The following KCNN2 variants were observed in gnomAD, a reference collection of about 807,000 sequenced individuals.
The protein encoded by KCNN2 is potassium calcium-activated channel subfamily N member 2, also known as small conductance calcium-activated potassium channel protein 2.
KCNN2 carries 24 observed loss-of-function variants against 55.5 expected under a neutral mutation model. That is an observed-to-expected ratio of 0.43 (90% CI 0.31 to 0.61). The LOEUF (loss-of-function observed/expected upper bound fraction) is 0.61, where lower values mean the gene tolerates loss of function less well. KCNN2 is among the 20% of genes least tolerant of loss of function. KCNN2 has a pLI of 0.08. For synonymous variants in KCNN2, 431 were observed against 336.1 expected, an observed-to-expected ratio of 1.28 and a Z score of -3.09; for missense variants, 754 against 853.6, an observed-to-expected ratio of 0.88 and a Z score of 1.45.
chr5:114,179,967 T>C (rs1753207716), intron 1 of KCNN2, among the ~76,000 whole-genome samples: 1 of 152,210 alleles, frequency 6.6e-6, no homozygotes, highest in African/African-American at 2.4e-5. Flanking sequence ...CCTAGATTTT[T>C]CCCCCTTTGC....
chr5:114,171,412 G>A (rs6890587), intron 1 of KCNN2, among the ~76,000 whole-genome samples: 108,155 of 151,746 alleles, frequency 0.71, 38,720 homozygotes, highest in East Asian at 0.86. Context: ...TGTTCCTTTG[G>A]CTAAAACATT....
intron 2 of KCNN2, among the ~76,000 whole-genome samples, chr5:114,238,838 AT>A (rs924476599): frequency 6.6e-6 from 1 of 151,758 alleles, no homozygotes; most frequent in African/African-American, 2.4e-5. Context: ...GCATGGACCT[AT>A]TTTTTTTATG....
chr5:114,345,722 A>T (rs919007286), intron 2 of KCNN2, among the ~76,000 whole-genome samples: 3 of 152,184 alleles, frequency 2.0e-5, no homozygotes, highest in African/African-American at 7.2e-5. Context: ...ACAGTTCTGC[A>T]GGCTATACAA....
At chr5:114,456,668 C>T (rs1446226129) in intron 3 of KCNN2, among the ~76,000 whole-genome samples, 1 of 152,146 alleles carries the variant, frequency 6.6e-6, no homozygotes, top group Non-Finnish European at 1.5e-5. Flanking sequence ...CCATTAAGAA[C>T]ATCTGTGATT....
intron 2 of KCNN2, among the ~76,000 whole-genome samples, chr5:114,396,899 T>C (rs1484521798): frequency 6.6e-6 from 1 of 152,166 alleles, no homozygotes; most frequent in African/African-American, 2.4e-5. Context: ...AGGTAGGCCC[T>C]GGTGTCTATC....
At position 114,196,570 on chromosome 5, in the gene KCNN2, GTTAGA is replaced by G. The variant is rs574800444; in HGVS notation, c.-270-24907_-270-24903del. ...GTTGAGATTTTCTCTTTTTTCTTGA[GTTAGA>G]TTGGGTAATTTGTTTCTTTCTAGGA... On this transcript the variant is annotated intron_variant, in intron 1 of 10. Transcript: ENST00000512097. Among the ~76,000 whole-genome samples the G allele has an allele frequency of 3.3e-3, 506 of 151,930 alleles. 4 individuals are homozygous for G. Among genetic ancestry groups the G allele is most frequent in the African/African-American group, 0.012 (488 of 41,506 alleles).
At chr5:114,363,554 C>G (rs888117995) in intron 1 of KCNN2, among the ~76,000 whole-genome samples, 8 of 152,138 alleles carry the variant, frequency 5.3e-5, no homozygotes, top group African/African-American at 1.9e-4. Flanking sequence ...GTAATTCATC[C>G]CCTCGTGAAT....
intron 1 of KCNN2, among the ~76,000 whole-genome samples, chr5:114,168,479 G>A (rs1276580001): frequency 6.6e-6 from 1 of 152,000 alleles, no homozygotes; most frequent in Non-Finnish European, 1.5e-5. Context: ...TGTTTCTCAA[G>A]GCTAATATTC....
intron 1 of KCNN2, among the ~76,000 whole-genome samples, chr5:114,059,503 T>C (rs1750282282): frequency 6.6e-6 from 1 of 152,220 alleles, no homozygotes; most frequent in Non-Finnish European, 1.5e-5. Flanking sequence ...AGAGAAATTA[T>C]GTGTTTTTTC....
At chr5:114,243,996 C>G (rs1394912728) in intron 2 of KCNN2, among the ~76,000 whole-genome samples, 1 of 152,174 alleles carries the variant, frequency 6.6e-6, no homozygotes, top group Non-Finnish European at 1.5e-5. Flanking sequence ...TGTAAGACAA[C>G]TACAGTAAAT....
In KCNN2 at chr5:114,243,858, A is replaced by C. The variant is rs185924101; in HGVS notation, c.-185+22293A>C. Among the ~76,000 whole-genome samples the C allele has an allele frequency of 2.2e-4, 34 of 152,348 alleles. No individual in the cohort carries two copies. In the East Asian group the frequency reaches 6.4e-3, roughly 29 times the overall value. On this transcript the variant is annotated intron_variant, in intron 2 of 10. Coordinates refer to the KCNN2 transcript ENST00000512097. ...AAAGCAGGTTTCACTTTGGGTAAGA[A>C]TAAACAGGAGATGAGCAATCTTCCA...
At chr5:114,440,801 A>G (rs1760177079) in intron 3 of KCNN2, among the ~76,000 whole-genome samples, 1 of 145,450 alleles carries the variant, frequency 6.9e-6, no homozygotes, top group Admixed American at 7.2e-5. Flanking sequence ...ATAGAATAGA[A>G]AAATGTGTAG....
intron 1 of KCNN2, among the ~76,000 whole-genome samples, chr5:114,144,219 G>A (rs979474216): frequency 1.3e-5 from 2 of 152,170 alleles, no homozygotes; most frequent in South Asian, 4.1e-4. Context: ...AAAATCAGAA[G>A]TATTCCAATC....
chr5:114,365,791 A>G (rs1382786764), intron 2 of KCNN2, among the ~76,000 whole-genome samples: 2 of 152,230 alleles, frequency 1.3e-5, no homozygotes, highest in African/African-American at 4.8e-5. Flanking sequence ...AACTTGAAAA[A>G]TGTTTTGTTT....
chr5:114,058,077 C>T (rs1750248300), intron 1 of KCNN2, among the ~76,000 whole-genome samples: 1 of 152,196 alleles, frequency 6.6e-6, no homozygotes, highest in Admixed American at 6.5e-5. Context: ...AAACTTTTTA[C>T]ATGTTCGACA....
At chr5:114,308,113 C>T (rs1378187180) in intron 2 of KCNN2, among the ~76,000 whole-genome samples, 1 of 152,100 alleles carries the variant, frequency 6.6e-6, no homozygotes, top group Non-Finnish European at 1.5e-5. Context: ...TGAAGTTTCT[C>T]CTATCTAGCT....
intron 1 of KCNN2, among the ~76,000 whole-genome samples, chr5:114,088,879 C>T (rs1463184333): frequency 6.6e-6 from 1 of 152,196 alleles, no homozygotes; most frequent in Non-Finnish European, 1.5e-5. Context: ...CTTTGTCCTC[C>T]AAAAGCGCTG....
At chr5:114,335,621 T>C (rs1186584183) in intron 2 of KCNN2, among the ~76,000 whole-genome samples, 1 of 152,180 alleles carries the variant, frequency 6.6e-6, no homozygotes, top group Non-Finnish European at 1.5e-5. Context: ...ACAGACCTAC[T>C]ACTGACAAAT....
intron 1 of KCNN2, among the ~76,000 whole-genome samples, chr5:114,183,655 C>G (rs2112555723): frequency 6.6e-6 from 1 of 151,058 alleles, no homozygotes; most frequent in African/African-American, 2.4e-5. Context: ...CTCTTATTAT[C>G]TAGTTATTTT....
Sources: gnomAD v4.1 joint callset for allele counts (sites outside exome capture counted in the v4.1 genomes callset) on GRCh38, gnomAD v4.1.1 for gene constraint, MANE v1.5 for transcripts, NCBI Gene and HGNC (gene_info 2026-07-23, HGNC 2026-07-21) for gene names.